The following PCDHA3 variants were observed in gnomAD, a reference collection of about 807,000 sequenced individuals.
PCDHA3 encodes protocadherin alpha-3.
A neutral mutation model predicts 62.2 loss-of-function variants in PCDHA3; 41 were observed. The ratio of observed to expected loss-of-function variants is 0.66; its 90% confidence interval spans 0.51 to 0.86. PCDHA3 has a LOEUF of 0.86. Ranked by LOEUF, PCDHA3 falls within the 40% of genes least tolerant of loss-of-function variation. PCDHA3 has a pLI of 0.00. For synonymous variants in PCDHA3, 640 were observed against 555.4 expected (o/e 1.15, Z -2.14); for missense variants, 1,304 against 1,241.2 (o/e 1.05, Z -0.76).
intron 1 of PCDHA3, chr5:140,875,355 T>A: frequency 6.9e-7 from 1 of 1,446,356 alleles, no homozygotes; most frequent in African/African-American, 1.4e-5. Context: ...ATGACTGTGA[T>A]GCTGGAAAAA....
At chr5:140,828,896 C>G (rs138760871) in intron 1 of PCDHA3, 2 of 1,614,178 alleles carry the variant, frequency 1.2e-6, no homozygotes, top group Non-Finnish European at 1.7e-6. Flanking sequence ...TGCTTCTGAT[C>G]GGGATGAAGG....
rs2042367518 is a variant in PCDHA3 at position 140,852,542 on chromosome 5, C to T, written c.2394+48951C>T. Reference sequence around the variant, plus strand: ...GCTCCCACCTCGGCCTCCCAAAGTGCTGGGATTAAAGCTGTGAGCCACTGT... The same window carrying T: ...GCTCCCACCTCGGCCTCCCAAAGTGTTGGGATTAAAGCTGTGAGCCACTGT... On this transcript the variant is annotated intron_variant, in intron 1 of 3. Transcript: ENST00000522353. 35 of 557,808 alleles carry T rather than the reference C, an allele frequency of 6.3e-5. 3 individuals are homozygous for T. The highest frequency in any genetic ancestry group is 8.0e-5 in the Non-Finnish European group (34 of 426,308). 34.6% of individuals were successfully genotyped at this position (557,808 alleles called of 1,614,324 possible).
In PCDHA3 at chr5:140,822,812, C is replaced by T. The variant is rs2150119563; in HGVS notation, c.2394+19221C>T. 1.3e-5 allele frequency: 21 copies of T among 1,613,956 alleles called. No homozygotes were observed. The East Asian group carries it at 2.5e-4, about 19-fold the overall frequency. On this transcript the variant is annotated intron_variant, in intron 1 of 3. Coordinates refer to ENST00000522353, the MANE Select transcript of PCDHA3 (RefSeq NM_018906.3). ...AAACTCCTGGATGTGAATGATAATACCCCAGAGATGGCCATAACCACCCTT... is the reference window on the plus strand; with the variant it reads ...AAACTCCTGGATGTGAATGATAATATCCCAGAGATGGCCATAACCACCCTT...
chr5:140,848,973 G>A, intron 1 of PCDHA3: 1 of 1,600,934 alleles, frequency 6.2e-7, no homozygotes, highest in South Asian at 1.1e-5. Context: ...CGCGTCCGAT[G>A]CAGATATCGG....
intron 1 of PCDHA3, among the ~76,000 whole-genome samples, chr5:140,826,508 T>C (rs150327644): frequency 1.1e-4 from 17 of 152,306 alleles, no homozygotes; most frequent in African/African-American, 4.1e-4. Context: ...AAGGTGAAGA[T>C]GATCATGTCA....
At chr5:140,830,260 C>T in intron 1 of PCDHA3, 1 of 1,613,632 alleles carries the variant, frequency 6.2e-7, no homozygotes, top group Non-Finnish European at 8.5e-7. Context: ...CGCTGCGGTG[C>T]TCGGCGCCAC....
intron 1 of PCDHA3, among the ~76,000 whole-genome samples, chr5:140,940,729 C>G (rs545285188): frequency 8.9e-4 from 136 of 152,326 alleles, no homozygotes; most frequent in African/African-American, 3.2e-3. Context: ...TTCAGCTGGA[C>G]AGCTCCATAT....
In PCDHA3 at chr5:141,010,735, T is replaced by G. The variant is rs192374006; in HGVS notation, c.*798T>G. On this transcript the variant is annotated 3_prime_UTR_variant, in exon 4 of 4. Coordinates refer to ENST00000522353, the MANE Select transcript of PCDHA3 (RefSeq NM_018906.3). ...GTGCTCACTTTATTAAAAATTCTTT[T>G]GCACACAATGTTTATGAAAAGGCCA... The G allele has an allele frequency of 6.5e-6, 1 of 154,174 alleles. No individual in the cohort carries two copies. The highest frequency in any genetic ancestry group is 1.5e-5 in the Non-Finnish European group (1 of 68,224). 9.6% of individuals were successfully genotyped at this position (154,174 alleles called of 1,614,324 possible). A position where few individuals can be genotyped will look rare whatever the true frequency, so the allele number is the denominator to read the frequency against.
At chr5:140,841,320 A>C (rs2150313499) in intron 1 of PCDHA3, 1 of 1,602,072 alleles carries the variant, frequency 6.2e-7, no homozygotes, top group Non-Finnish European at 8.5e-7. Flanking sequence ...CGACTATTTA[A>C]CATGGATTAT....
At chr5:140,935,402 A>T (rs1297077002) in intron 1 of PCDHA3, among the ~76,000 whole-genome samples, 2 of 152,212 alleles carry the variant, frequency 1.3e-5, no homozygotes, top group Non-Finnish European at 2.9e-5. Flanking sequence ...ACGGGACTCA[A>T]ACAATGGACT....
chr5:140,959,449 A>G (rs2095488988), intron 1 of PCDHA3, among the ~76,000 whole-genome samples: 1 of 152,196 alleles, frequency 6.6e-6, no homozygotes, highest in South Asian at 2.1e-4. Context: ...TTTTGTGCTG[A>G]AAAGCTGAAG....
At chr5:140,870,535 G>C (rs1279597936) in intron 1 of PCDHA3, 2 of 1,614,056 alleles carry the variant, frequency 1.2e-6, no homozygotes, top group Non-Finnish European at 8.5e-7. Context: ...CACAGTGTCG[G>C]CGCGGGACGC....
intron 1 of PCDHA3, chr5:140,884,795 T>C: frequency 7.8e-7 from 1 of 1,280,270 alleles, no homozygotes; most frequent in South Asian, 1.7e-5. Context: ...TGTTATCGAA[T>C]TTAACAACTC....
At position 140,978,952 on chromosome 5, in the gene PCDHA3, C is replaced by T. The variant is rs374951627; in HGVS notation, c.2398C>T (p.Arg800Ter). Residue 800 changes from arginine (R) to a stop codon, truncating the protein, a stop_gained, in exon 2 of 4, where the codon CGA (arginine) becomes TGA (stop). Coordinates refer to ENST00000522353, the MANE Select transcript of PCDHA3 (RefSeq NM_018906.3). LOFTEE classifies it high-confidence loss of function. ...DVDVDLSAKP[R>*]QPNPDWRYSA... ...AACTCTCTTTGTGATTTTGCAGCCA[C>T]GACAGCCCAACCCTGACTGGCGTTA... is the stretch of plus-strand genomic sequence containing the variant. 5.0e-6 allele frequency: 8 copies of T among 1,614,018 alleles called. No individual in the cohort carries two copies. The highest frequency in any genetic ancestry group is 2.2e-5 in the South Asian group (2 of 91,070).
chr5:140,877,326 G>T (rs781931363), intron 1 of PCDHA3: 1 of 1,613,964 alleles, frequency 6.2e-7, no homozygotes, highest in East Asian at 2.2e-5. Flanking sequence ...CGGTCGGCGC[G>T]CACATCCCGT....
intron 3 of PCDHA3, among the ~76,000 whole-genome samples, chr5:141,003,811 C>G (rs1490096042): frequency 1.3e-5 from 2 of 152,114 alleles, no homozygotes; most frequent in African/African-American, 4.8e-5. Context: ...AATCTGTAGT[C>G]TGGGAAGGGC....
intron 1 of PCDHA3, among the ~76,000 whole-genome samples, chr5:140,845,833 T>G (rs1323820046): frequency 2.0e-5 from 3 of 149,812 alleles, no homozygotes; most frequent in Non-Finnish European, 4.5e-5. Context: ...GTTATTACCA[T>G]TCTTAAGAGA....
chr5:140,873,172 G>A (rs545473160), intron 1 of PCDHA3, among the ~76,000 whole-genome samples: 1 of 152,202 alleles, frequency 6.6e-6, no homozygotes, highest in African/African-American at 2.4e-5. Flanking sequence ...GAGAGCTTTT[G>A]TATCATAATA....
intron 1 of PCDHA3, chr5:140,867,791 C>T (rs2050146253): frequency 1.3e-5 from 2 of 152,072 alleles, no homozygotes; most frequent in African/African-American, 2.4e-5. Context: ...CTGTATTTTA[C>T]TTAGCATTTT....
Sources: allele counts gnomAD v4.1 joint callset (sites outside exome capture counted in the v4.1 genomes callset), GRCh38; gene constraint gnomAD v4.1.1; transcripts MANE v1.5; gene names NCBI Gene and HGNC (gene_info 2026-07-23, HGNC 2026-07-21).